ERICH3: variants seen among roughly 807,000 people sequenced by gnomAD.
The protein encoded by ERICH3 is glutamate rich 3.
In ERICH3, 126 loss-of-function variants were observed where a neutral mutation model predicts 131.1. That is an observed-to-expected ratio of 0.96 (90% CI 0.83 to 1.11). ERICH3 has a LOEUF of 1.11. ERICH3 is among the 50% of genes most tolerant of loss of function. The probability of loss-of-function intolerance (pLI) is 0.00; values close to 1 mark genes in which losing one functional copy is unlikely to be tolerated. For missense variants in ERICH3, 2,050 were observed against 1,810.7 expected (o/e 1.13, Z -2.40); for synonymous variants, 695 against 644.6 (o/e 1.08, Z -1.18).
intron 10 of ERICH3, among the ~76,000 whole-genome samples, chr1:74,601,976 A>C (rs1449907628): frequency 6.6e-6 from 1 of 151,908 alleles, no homozygotes; most frequent in African/African-American, 2.4e-5. Flanking sequence ...ATTATGGATT[A>C]GTAGTAATCG....
intron 1 of ERICH3, among the ~76,000 whole-genome samples, chr1:74,659,383 C>T (rs747141475): frequency 5.1e-4 from 77 of 152,104 alleles, no homozygotes; most frequent in Admixed American, 2.0e-3. Context: ...CAAAACCCCC[C>T]GTTGGAAAAA....
intron 5 of ERICH3, 62 bp from the exon 6 acceptor site, chr1:74,636,500 T>G: frequency 6.8e-7 from 1 of 1,466,418 alleles, no homozygotes; most frequent in Non-Finnish European, 9.3e-7. Flanking sequence ...CCAGAACCAA[T>G]TAATAACCCA....
At chr1:74,620,985 A>T (rs762462809) in intron 7 of ERICH3, 71 bp from the exon 8 acceptor site, 1 of 1,213,498 alleles carries the variant, frequency 8.2e-7, no homozygotes, top group Non-Finnish European at 1.1e-6. Context: ...TGACATTGTA[A>T]TATGAAGAAT....
At chr1:74,580,291 C>CA (rs1647154584) in intron 12 of ERICH3, among the ~76,000 whole-genome samples, 1 of 151,834 alleles carries the variant, frequency 6.6e-6, no homozygotes, top group African/African-American at 2.4e-5. Context: ...TCTTCAATAA[C>CA]ACATAAAACA....
In ERICH3 at chr1:74,572,039, G is replaced by C; in HGVS notation, c.3671C>G (p.Ala1224Gly). The C allele has an allele frequency of 6.2e-7, 1 of 1,614,128 alleles. No homozygotes were observed. Among genetic ancestry groups the C allele is most frequent in the Non-Finnish European group, 8.5e-7 (1 of 1,180,026 alleles). The change falls in exon 14 of 15, where the codon GCA becomes GGA. Residue 1224 changes from alanine to glycine, a missense_variant. Transcript: ENST00000326665. Reference sequence around the variant, plus strand: ...CCCCTCAGGGGCCTGCACCTTTCCTGCTGGCTCAGCTTCAGGAGCTGCTAA... The same window carrying C: ...CCCCTCAGGGGCCTGCACCTTTCCTCCTGGCTCAGCTTCAGGAGCTGCTAA... ...GALAAPEAEP[A>G]GKVQAPEGLI...
chr1:74,646,548 A>T (rs1646485552), intron 3 of ERICH3, 119 bp downstream of exon 3: 2 of 608,084 alleles, frequency 3.3e-6, no homozygotes, highest in African/African-American at 3.9e-5. Flanking sequence ...AAGCATTATT[A>T]ATTATCATAT....
At chr1:74,634,303 C>A (rs975606283) in intron 6 of ERICH3, among the ~76,000 whole-genome samples, 1 of 152,016 alleles carries the variant, frequency 6.6e-6, no homozygotes, top group African/African-American at 2.4e-5. Context: ...TAAAGCAGTA[C>A]CAAGGCCATC....
chr1:74,572,757 T>G lies in ERICH3; in HGVS notation c.2953A>C (p.Lys985Gln). 6.2e-7 allele frequency: 1 copy of G among 1,613,916 alleles called. No homozygotes were observed. The highest frequency in any genetic ancestry group is 8.5e-7 in the Non-Finnish European group (1 of 1,179,978). The change falls in exon 14 of 15, where the codon AAA becomes CAA. Residue 985 changes from lysine to glutamine, a missense_variant. Coordinates refer to ENST00000326665, the MANE Select transcript of ERICH3 (RefSeq NM_001002912.5). Reference sequence around the variant, plus strand: ...CGTGTTTCTGTTCTCATAACCTCTTTTCTCTCTTTGGCTGGTTCCTCTCCC... The same window carrying G: ...CGTGTTTCTGTTCTCATAACCTCTTGTCTCTCTTTGGCTGGTTCCTCTCCC... ...LGGEEPAKERKEVMRTETRLS... is the reference protein window; with the variant it reads ...LGGEEPAKERQEVMRTETRLS...
At chr1:74,583,291 C>A (rs1233561051) in intron 12 of ERICH3, among the ~76,000 whole-genome samples, 3 of 151,942 alleles carry the variant, frequency 2.0e-5, no homozygotes, top group Non-Finnish European at 4.4e-5. Context: ...ATTCCACAAC[C>A]CTAGCAGATG....
At chr1:74,657,077 A>T (rs557282760) in intron 1 of ERICH3, among the ~76,000 whole-genome samples, 2 of 152,188 alleles carry the variant, frequency 1.3e-5, no homozygotes, top group Admixed American at 1.3e-4. Flanking sequence ...TTTAAAATCC[A>T]CATGTGAGGA....
intron 4 of ERICH3, among the ~76,000 whole-genome samples, chr1:74,642,668 C>T (rs530809617): frequency 1.3e-5 from 2 of 152,168 alleles, no homozygotes; most frequent in South Asian, 4.2e-4. Flanking sequence ...CCTAAAAAGC[C>T]CTGTTTTCCA....
At chr1:74,583,888 A>C (rs1232737647) in intron 12 of ERICH3, among the ~76,000 whole-genome samples, 1 of 152,170 alleles carries the variant, frequency 6.6e-6, no homozygotes, top group African/African-American at 2.4e-5. Flanking sequence ...AAACAAACCA[A>C]ATTGATCCCA....
Position 74,649,202 on chromosome 1 carries a change from G to GAAAGTA in ERICH3, c.117+14_117+19dup. ...ACTTAATGAAACAAGAAGGTCAGTG[G>GAAAGTA]AAAGTAAACCAAAACTTACCAGTCC... On this transcript the variant is annotated intron_variant, in intron 2 of 14. Coordinates refer to ENST00000326665, the MANE Select transcript of ERICH3 (RefSeq NM_001002912.5). 2 of 1,560,252 alleles carry GAAAGTA rather than the reference G, an allele frequency of 1.3e-6. No individual in the cohort carries two copies. The highest frequency in any genetic ancestry group is 8.8e-7 in the Non-Finnish European group (1 of 1,141,150).
At chr1:74,643,210 T>C (rs1646451768) in intron 3 of ERICH3, 112 bp from the exon 4 acceptor site, 2 of 698,504 alleles carry the variant, frequency 2.9e-6, no homozygotes, top group Non-Finnish European at 4.7e-6. Flanking sequence ...CCTCTTGTCA[T>C]TGAGATGGAG....
At chr1:74,583,225 G>T (rs929108356) in intron 12 of ERICH3, among the ~76,000 whole-genome samples, 1 of 151,970 alleles carries the variant, frequency 6.6e-6, no homozygotes, top group Non-Finnish European at 1.5e-5. Context: ...CAGGGGTTTT[G>T]TTTGTTTGTT....
intron 7 of ERICH3, among the ~76,000 whole-genome samples, chr1:74,627,207 A>G (rs1295729678): frequency 6.6e-6 from 1 of 152,020 alleles, no homozygotes; most frequent in African/African-American, 2.4e-5. Flanking sequence ...GCATGAAATC[A>G]TGTGTGAAGA....
chr1:74,656,434 A>T (rs1300078263), intron 1 of ERICH3, among the ~76,000 whole-genome samples: 1 of 152,144 alleles, frequency 6.6e-6, no homozygotes, highest in Non-Finnish European at 1.5e-5. Flanking sequence ...CCATCACAAA[A>T]TAGTCATCGC....
intron 1 of ERICH3, among the ~76,000 whole-genome samples, chr1:74,665,301 T>C (rs923654152): frequency 3.3e-5 from 5 of 152,060 alleles, no homozygotes; most frequent in African/African-American, 1.2e-4. Context: ...TCCAGAGCCG[T>C]GAGAAATAAA....
chr1:74,632,119 A>C (rs984679870), intron 6 of ERICH3, among the ~76,000 whole-genome samples, 191 bp from the exon 7 acceptor site: 4 of 152,040 alleles, frequency 2.6e-5, no homozygotes, highest in African/African-American at 9.7e-5. Context: ...AAAAATTCTA[A>C]CCTTGTGTGG....
Sources: allele counts gnomAD v4.1 joint callset (sites outside exome capture counted in the v4.1 genomes callset), GRCh38; gene constraint gnomAD v4.1.1; transcripts MANE v1.5; gene names NCBI Gene and HGNC (gene_info 2026-07-23, HGNC 2026-07-21).